Variants in POP4 observed in about 807,000 individuals in gnomAD.
POP4 encodes the protein POP4 ribonuclease P/MRP subunit.
Under a neutral mutation model 29.9 loss-of-function variants are expected in POP4, and 31 were observed. The ratio of observed to expected loss-of-function variants is 1.04; its 90% CI spans 0.78 to 1.40. The LOEUF (loss-of-function observed/expected upper bound fraction) is 1.40. Among genes scored for constraint, POP4 ranks in the 40% most tolerant of loss-of-function variants. POP4 has a pLI of 0.00. For synonymous variants in POP4, 110 were observed against 108.2 expected, an observed-to-expected ratio of 1.02 and a Z score of -0.10; for missense variants, 286 against 282.7, an observed-to-expected ratio of 1.01 and a Z score of -0.08.
intron 1 of POP4, 77 bp downstream of exon 1, chr19:29,606,402 C>A (rs1484339966): frequency 6.7e-7 from 1 of 1,485,884 alleles, no homozygotes; most frequent in South Asian, 1.3e-5. Flanking sequence ...TGAAATGGGT[C>A]CGGGCTACCT....
chr19:29,608,709 G>C lies in POP4; in HGVS notation c.60G>C (p.Gln20His). Residue 20 changes from glutamine (Q) to histidine (H), a missense_variant and splice_region_variant, in exon 2 of 7, where the codon CAG becomes CAC. By Grantham distance (24) the Gln-to-His change is conservative. Transcript: ENST00000585603. ...AAGAGGCGAATGACTCCGATGTCCA[G>C]GTCAGTTCTTGGCAGGGAGTCCAGG... Reference protein sequence around the residue: ...SQKEANDSDVQPSGAQRAEAF... With the variant: ...SQKEANDSDVHPSGAQRAEAF... The C allele has an allele frequency of 6.2e-7, 1 of 1,613,862 alleles. No homozygotes were observed. The highest frequency in any genetic ancestry group is 8.5e-7 in the Non-Finnish European group (1 of 1,179,764).
rs1971122717 is a variant in POP4 at position 29,615,723 on chromosome 19, G to A, written c.*343G>A. The A allele has an allele frequency of 5.1e-6, 1 of 195,010 alleles. No homozygotes were observed. The highest frequency in any genetic ancestry group is 2.3e-5 in the African/African-American group (1 of 43,198). 12.1% of individuals were successfully genotyped at this position (195,010 alleles called of 1,614,324 possible). On this transcript the variant is annotated 3_prime_UTR_variant, in exon 7 of 7. Coordinates refer to ENST00000585603, the MANE Select transcript of POP4 (RefSeq NM_006627.3). ...TTTCCATGTTTTCTGAGTGCTCTAT[G>A]ATAAATCAGTTGCATCTGTGATAAT...
intron 6 of POP4, among the ~76,000 whole-genome samples, 187 bp from the exon 7 acceptor site, chr19:29,615,057 C>A (rs191540817): frequency 3.3e-5 from 5 of 152,144 alleles, no homozygotes; most frequent in Admixed American, 1.3e-4. Context: ...TAGCATGTGA[C>A]TAGATTGACC....
chr19:29,613,610 G>C (rs935799793), intron 5 of POP4, among the ~76,000 whole-genome samples: 1 of 152,166 alleles, frequency 6.6e-6, no homozygotes, highest in African/African-American at 2.4e-5. Flanking sequence ...CCAGAATCCT[G>C]CCCAAGACCC....
rs536785923 is a variant in POP4, at chr19:29,610,495, C to T, written c.147C>T (p.Asp49=). The part of the protein sequence containing the change: ...TPRMSPQARE[D]QLQRKAVVLE... The stretch of plus-strand genomic sequence containing the variant: ...GCATGAGCCCGCAGGCCCGCGAGGA[C>T]CAGCTGCAGCGCAAGGCGGTGGTCC... Residue 49 remains aspartate, a synonymous_variant, in exon 3 of 7, where the codon GAC becomes GAT. Transcript: ENST00000585603. 12 of 1,612,270 alleles carry T rather than the reference C, an allele frequency of 7.4e-6. No individual in the cohort carries two copies. Among genetic ancestry groups the T allele is most frequent in the South Asian group, 4.4e-5 (4 of 90,754 alleles).
chr19:29,609,207 G>A (rs10425030), intron 2 of POP4: 2 of 152,982 alleles, frequency 1.3e-5, no homozygotes, highest in African/African-American at 4.8e-5. Flanking sequence ...CTCCATGAAA[G>A]ATGAGCCACT....
intron 1 of POP4, among the ~76,000 whole-genome samples, chr19:29,607,116 A>C (rs1302250908): frequency 6.6e-6 from 1 of 152,144 alleles, no homozygotes; most frequent in African/African-American, 2.4e-5. Context: ...TAAAACTTGC[A>C]ACCACATTGG....
At chr19:29,614,372 G>A (rs1051798262) in intron 6 of POP4, among the ~76,000 whole-genome samples, 1 of 152,224 alleles carries the variant, frequency 6.6e-6, no homozygotes. Flanking sequence ...TGTCCTTGGC[G>A]ATAACACTTG....
chr19:29,609,746 C>T (rs893160097), intron 2 of POP4, among the ~76,000 whole-genome samples: 4 of 152,236 alleles, frequency 2.6e-5, no homozygotes, highest in Admixed American at 2.6e-4. Flanking sequence ...GCCCTGCTCT[C>T]AGTGACACCC....
At chr19:29,613,728 A>G in intron 5 of POP4, 143 bp from the exon 6 acceptor site, 1 of 1,281,262 alleles carries the variant, frequency 7.8e-7, no homozygotes, top group Non-Finnish European at 1.0e-6. Context: ...CCAGCTGTTG[A>G]GCCCCCACCC....
intron 1 of POP4, among the ~76,000 whole-genome samples, chr19:29,606,858 C>G (rs899704109): frequency 2.1e-5 from 3 of 139,930 alleles, no homozygotes; most frequent in Non-Finnish European, 3.0e-5. Context: ...TAGATTGTCT[C>G]GGCATGTCTG....
Position 29,610,576 on chromosome 19 carries a change from C to T in POP4, c.228C>T (p.Leu76=), listed in dbSNP as rs189154782. The T allele has an allele frequency of 2.5e-6, 4 of 1,614,200 alleles. No homozygotes were observed. In the Admixed American group the frequency reaches 6.7e-5, roughly 27 times the overall value. Residue 76 remains leucine, a synonymous_variant, in exon 3 of 7, where the codon CTC becomes CTT. Transcript: ENST00000585603. ...AGAAGAAGAAGAAAGCCAAAGGCCT[C>T]TCTGCCAGGCAAAGGAGGGAGCTGC... ...RKEKKKKAKG[L]SARQRRELRL... is the part of the protein sequence containing the mutation.
chr19:29,617,049 T>C lies in POP4; in HGVS notation c.*1669T>C, dbSNP rs967676594. ...AAAGTGCAGGATGTGCTGCCTTTAT[T>C]ACCTGCTTTCCCGCTGAGCAAATCC... On this transcript the variant is annotated 3_prime_UTR_variant, in exon 7 of 7. Coordinates refer to ENST00000585603, the MANE Select transcript of POP4 (RefSeq NM_006627.3). The C allele has an allele frequency of 2.6e-5, 4 of 152,248 alleles. No individual in the cohort carries two copies. Among genetic ancestry groups the C allele is most frequent in the African/African-American group, 9.6e-5 (4 of 41,464 alleles). 9.4% of individuals were successfully genotyped at this position (152,248 alleles called of 1,614,324 possible).
At position 29,616,642 on chromosome 19, in the gene POP4, C is replaced by G. The variant is rs1971134812; in HGVS notation, c.*1262C>G. ...TCTGTGCCACCACCCCTCCCCAAAGCTCAGTGCACCCAGAGTCTCACAGGG... is the reference window on the plus strand; with the variant it reads ...TCTGTGCCACCACCCCTCCCCAAAGGTCAGTGCACCCAGAGTCTCACAGGG... On this transcript the variant is annotated 3_prime_UTR_variant, in exon 7 of 7. Coordinates refer to ENST00000585603, the MANE Select transcript of POP4 (RefSeq NM_006627.3). 1 of 152,672 alleles carries G rather than the reference C, an allele frequency of 6.5e-6. No homozygotes were observed. Among genetic ancestry groups the G allele is most frequent in the Non-Finnish European group, 1.5e-5 (1 of 68,414 alleles). 9.5% of individuals were successfully genotyped at this position (152,672 alleles called of 1,614,324 possible). A position where few individuals can be genotyped will look rare whatever the true frequency, so the allele number is the denominator to read the frequency against.
At chr19:29,608,778 C>T in intron 2 of POP4, 69 bp downstream of exon 2, 6 of 1,407,820 alleles carry the variant, frequency 4.3e-6, no homozygotes, top group Non-Finnish European at 6.0e-6. Context: ...GCTTCTGAGC[C>T]CCCAGCACTG....
At chr19:29,609,750 G>T (rs1971043156) in intron 2 of POP4, among the ~76,000 whole-genome samples, 1 of 152,208 alleles carries the variant, frequency 6.6e-6, no homozygotes, top group Non-Finnish European at 1.5e-5. Context: ...TGCTCTCAGT[G>T]ACACCCTTCA....
Position 29,615,631 on chromosome 19 carries a change from T to A in POP4, c.*251T>A, listed in dbSNP as rs996973673. Reference sequence around the variant, plus strand: ...GTGACTCCCATGGGGAGGAACAGACTGGCAGGAAGCACACCGGGGTTAACA... The same window carrying A: ...GTGACTCCCATGGGGAGGAACAGACAGGCAGGAAGCACACCGGGGTTAACA... On this transcript the variant is annotated 3_prime_UTR_variant, in exon 7 of 7. Coordinates refer to ENST00000585603, the MANE Select transcript of POP4 (RefSeq NM_006627.3). 3.3e-5 allele frequency: 14 copies of A among 426,976 alleles called. No homozygotes were observed. The highest frequency in any genetic ancestry group is 5.4e-5 in the Non-Finnish European group (13 of 239,402). 26.4% of individuals were successfully genotyped at this position (426,976 alleles called of 1,614,324 possible).
At chr19:29,609,135 C>T (rs1205819838) in intron 2 of POP4, 1 of 159,192 alleles carries the variant, frequency 6.3e-6, no homozygotes, top group Non-Finnish European at 1.4e-5. Flanking sequence ...TCTTGTGGCT[C>T]ATAATGAGAG....
At chr19:29,614,746 C>A (rs1041869135) in intron 6 of POP4, among the ~76,000 whole-genome samples, 1 of 152,196 alleles carries the variant, frequency 6.6e-6, no homozygotes, top group African/African-American at 2.4e-5. Flanking sequence ...TCAAGTAATT[C>A]ACCTGCCTCA....
Sources: allele counts gnomAD v4.1 joint callset (sites outside exome capture counted in the v4.1 genomes callset), GRCh38; gene constraint gnomAD v4.1.1; transcripts MANE v1.5; gene names NCBI Gene and HGNC (gene_info 2026-07-23, HGNC 2026-07-21).